Variants in CEP72 observed in about 807,000 individuals in gnomAD.
CEP72 encodes centrosomal protein of 72 kDa.
CEP72 carries 78 observed loss-of-function variants against 65.7 expected under a neutral mutation model. The observed-to-expected ratio is 1.19, with a 90% CI of 0.99 to 1.43. CEP72 has a LOEUF of 1.43. Ranked by LOEUF, CEP72 falls within the 40% of genes most tolerant of loss-of-function variation. The pLI is 0.00. For missense variants in CEP72, 914 were observed against 832.9 expected (o/e 1.10, Z -1.20); for synonymous variants, 358 against 351.7 (o/e 1.02, Z -0.20).
At chr5:663,246 T>G (rs1176844073) in intron 1 of CEP72, 3 of 152,300 alleles carry the variant, frequency 2.0e-5, no homozygotes, top group Non-Finnish European at 4.4e-5. Context: ...TTCAGAGTTG[T>G]TTTCAAATGT....
intron 2 of CEP72, chr5:664,796 C>A (rs552281427): frequency 7.0e-5 from 24 of 341,084 alleles, no homozygotes; most frequent in Non-Finnish European, 1.1e-4. Context: ...TAAAACGCCC[C>A]TTTGACCTGC....
Position 619,087 on chromosome 5 carries a change from T to A in CEP72, c.180T>A (p.Asp60Glu), listed in dbSNP as rs150486294. 3.7e-6 allele frequency: 6 copies of A among 1,613,812 alleles called. No individual in the cohort carries two copies. Among genetic ancestry groups the A allele is most frequent in the African/African-American group, 1.3e-5 (1 of 74,920 alleles). ...LMSLTGLKSL[D>E]LSRNSLVSLE... ...GTTTAACAGGTCTGAAATCTTTGGA[T>A]CTCTCGCGCAACTCCTTGGTTAGTC... The change falls in exon 2 of 12, where the codon GAT becomes GAA. Residue 60 changes from aspartate (D) to glutamate (E), a missense_variant. Transcript: ENST00000264935.
chr5:618,787 G>T (rs1465107232), intron 1 of CEP72, among the ~76,000 whole-genome samples: 1 of 152,142 alleles, frequency 6.6e-6, no homozygotes, highest in Non-Finnish European at 1.5e-5. Flanking sequence ...AGATACTGAG[G>T]GTGGGGGTTT....
chr5:662,548 A>C (rs904006349), intron 1 of CEP72: 6 of 152,510 alleles, frequency 3.9e-5, no homozygotes, highest in African/African-American at 7.2e-5. Context: ...CGCCAGGCTC[A>C]GCTCCAGGGC....
intron 6 of CEP72, among the ~76,000 whole-genome samples, chr5:637,282 G>A (rs935365973): frequency 1.3e-5 from 2 of 152,216 alleles, no homozygotes; most frequent in African/African-American, 2.4e-5. Context: ...GTGTTAGCAC[G>A]TGTGCCCCAG....
At chr5:633,662 C>T (rs1241908256) in intron 4 of CEP72, 107 bp from the exon 5 acceptor site, 31 of 1,086,056 alleles carry the variant, frequency 2.9e-5, no homozygotes, top group East Asian at 9.5e-5. Context: ...GTTTGCAGCA[C>T]GCTGCTTCTC....
At chr5:654,282 G>C (rs1014040695), downstream of CEP72, among the ~76,000 whole-genome samples, 5 of 124,516 alleles carry the variant, frequency 4.0e-5, no homozygotes, top group Non-Finnish European at 6.3e-5. Context: ...TGCGCTTGCT[G>C]TGTGTGTGTG....
At chr5:651,359 G>T (rs1739073688) in intron 11 of CEP72, among the ~76,000 whole-genome samples, 1 of 150,592 alleles carries the variant, frequency 6.6e-6, no homozygotes, top group Non-Finnish European at 1.5e-5. Context: ...TGTGACTGAG[G>T]CATGGACTGT....
At position 625,887 on chromosome 5, in the gene CEP72, G is replaced by A. The variant is rs541247809; in HGVS notation, c.512+1308G>A. Among the ~76,000 whole-genome samples the A allele has an allele frequency of 5.3e-5, 8 of 152,254 alleles. No individual in the cohort carries two copies. In the East Asian group the frequency reaches 1.5e-3, roughly 29 times the overall value. Reference sequence around the variant, plus strand: ...TCCTCCGTGCCTGTCTCTCTACGGGGCCAGGTTTCCCCTTCTTAGAAGGAC... The same window carrying A: ...TCCTCCGTGCCTGTCTCTCTACGGGACCAGGTTTCCCCTTCTTAGAAGGAC... On this transcript the variant is annotated intron_variant, in intron 4 of 11. Transcript: ENST00000264935.
the CEP72 span, chr5:676,277 A>AGACACCCAAGACCCAGGG: frequency 6.6e-6 from 1 of 152,422 alleles, no homozygotes; most frequent in South Asian, 2.1e-4. Context: ...ACGACCCAGG[A>AGACACCCAAGACCCAGGG]GACACCCAAG....
intron 4 of CEP72, among the ~76,000 whole-genome samples, chr5:626,644 ACT>A (rs1456974765): frequency 6.6e-6 from 1 of 151,018 alleles, no homozygotes; most frequent in African/African-American, 2.4e-5. Context: ...ACATAGTGAG[ACT>A]CTGTCTGTAA....
At chr5:664,975 C>T (rs1478445138) in intron 2 of CEP72, 5 of 1,162,934 alleles carry the variant, frequency 4.3e-6, no homozygotes, top group Non-Finnish European at 1.2e-6. Context: ...GGCCTGGCCG[C>T]CCCCCAGCCC....
exon 5 of CEP72, chr5:667,131 C>G (rs889635477): frequency 2.0e-5 from 3 of 152,222 alleles, no homozygotes; most frequent in African/African-American, 7.2e-5. Flanking sequence ...ATAGCCAAAA[C>G]GATTTCAAGA....
rs140239081 is a variant in CEP72 at position 639,211 on chromosome 5, C to T, written c.1329C>T (p.Asn443=). 7.5e-5 allele frequency: 118 copies of T among 1,579,892 alleles called. 2 individuals carry two copies. In the South Asian group the frequency reaches 9.1e-4, roughly 12 times the overall value. ...GCGGCTGCAGGTCCCTGCACAGCAA[C>T]GAGGCATTCCTTGGTGAGTCAGGGC... ...SWGGCRSLHS[N]EAFLAQARHI... Residue 443 remains asparagine (N), a synonymous_variant, in exon 8 of 12, where the codon AAC becomes AAT. Coordinates refer to ENST00000264935, the MANE Select transcript of CEP72 (RefSeq NM_018140.4).
chr5:643,579 C>G lies in CEP72; in HGVS notation c.1540-720C>G, dbSNP rs937710654. 3 of 985,272 alleles carry G rather than the reference C, an allele frequency of 3.0e-6. No individual in the cohort carries two copies. The African/African-American group carries it at 5.2e-5, about 17-fold the overall frequency. 61.0% of individuals were successfully genotyped at this position (985,272 alleles called of 1,614,324 possible). On this transcript the variant is annotated intron_variant, in intron 9 of 11. Transcript: ENST00000264935. ...GAGGCTTCTGCTGCACAGACTCAGG[C>G]GCTCCCTCCCCTGGTGGCAGTGAGC...
intron 9 of CEP72, chr5:642,731 C>T (rs779510448): frequency 4.1e-5 from 40 of 985,344 alleles, no homozygotes; most frequent in African/African-American, 1.6e-4. Context: ...TCTGGCAGCC[C>T]GAGCCCCGCG....
chr5:640,419 C>T lies in CEP72; in HGVS notation c.1354C>T (p.His452Tyr), dbSNP rs1737930231. 5 of 1,613,676 alleles carry T rather than the reference C, an allele frequency of 3.1e-6. No individual in the cohort carries two copies. Among genetic ancestry groups the T allele is most frequent in the Non-Finnish European group, 4.2e-6 (5 of 1,179,664 alleles). The change falls in exon 9 of 12, where the codon CAC (histidine) becomes TAC (tyrosine). Residue 452 changes from histidine to tyrosine, a missense_variant. Transcript: ENST00000264935. ...GTTTTCACTCCTAGCTCAGGCAAGACACATCTTGTCATCTGTTGAAGAATT... is the reference window on the plus strand; with the variant it reads ...GTTTTCACTCCTAGCTCAGGCAAGATACATCTTGTCATCTGTTGAAGAATT... The part of the protein sequence containing the change: ...SNEAFLAQAR[H>Y]ILSSVEEFTA...
At chr5:617,734 G>A (rs181449740) in intron 1 of CEP72, among the ~76,000 whole-genome samples, 38 of 152,280 alleles carry the variant, frequency 2.5e-4, no homozygotes, top group African/African-American at 9.1e-4. Context: ...ATGTGGTGGC[G>A]TGTCCCTGTA....
chr5:674,695 G>T, the CEP72 span, among the ~76,000 whole-genome samples: 2 of 152,152 alleles, frequency 1.3e-5, no homozygotes, highest in East Asian at 3.9e-4. Context: ...GGCCCACACC[G>T]CATGGCCCGC....
Sources: allele counts gnomAD v4.1 joint callset (sites outside exome capture counted in the v4.1 genomes callset), GRCh38; gene constraint gnomAD v4.1.1; transcripts MANE v1.5; gene names NCBI Gene and HGNC (gene_info 2026-07-23, HGNC 2026-07-21).